Variants in CARD14 observed in about 807,000 individuals in gnomAD.
The protein encoded by CARD14 is caspase recruitment domain-containing protein 14.
In CARD14, 107 loss-of-function variants were observed where a neutral mutation model predicts 111.5. The ratio of observed to expected loss-of-function variants is 0.96; its 90% CI spans 0.82 to 1.13. The LOEUF (loss-of-function observed/expected upper bound fraction) is 1.13, where lower values mean the gene tolerates loss of function less well. Ranked by LOEUF, CARD14 falls within the 50% of genes most tolerant of loss-of-function variation. The pLI, the probability that CARD14 is intolerant of heterozygous loss-of-function variation, is 0.00. For missense variants in CARD14, 1,322 were observed against 1,362.3 expected (o/e 0.97, Z 0.47); for synonymous variants, 617 against 579.6 (o/e 1.06, Z -0.93).
At chr17:80,176,481 G>A (rs866819059) in intron 2 of CARD14, among the ~76,000 whole-genome samples, 1 of 149,638 alleles carries the variant, frequency 6.7e-6, no homozygotes, top group Non-Finnish European at 1.5e-5. Flanking sequence ...TAACCCATAC[G>A]GCACACAATT....
At chr17:80,191,676 A>G (rs2040534980) in intron 11 of CARD14, among the ~76,000 whole-genome samples, 1 of 152,230 alleles carries the variant, frequency 6.6e-6, no homozygotes, top group Non-Finnish European at 1.5e-5. Flanking sequence ...GGTGCCGTGA[A>G]ACCTCGAAGG....
chr17:80,205,203 C>G lies in CARD14; in HGVS notation c.2567C>G (p.Ala856Gly), dbSNP rs745973455. The G allele has an allele frequency of 2.5e-6, 4 of 1,610,778 alleles. No homozygotes were observed. The highest frequency in any genetic ancestry group is 3.4e-6 in the Non-Finnish European group (4 of 1,178,270). ...CLLQGFKKCLAEYLSQEEYEA... is the reference protein window; with the variant it reads ...CLLQGFKKCLGEYLSQEEYEA... ...CTCCAAGGGTTTAAGAAGTGCCTGG[C>G]AGGTATGCTGTTGCCTGGGAATCCC... The change falls in exon 21 of 24, where the codon GCA becomes GGA. Residue 856 changes from alanine to glycine, a missense_variant and splice_region_variant. Transcript: ENST00000648509.
chr17:80,187,682 A>G (rs2040389210), intron 7 of CARD14: 1 of 897,394 alleles, frequency 1.1e-6, no homozygotes, highest in African/African-American at 1.8e-5. Context: ...ACCCACCCCG[A>G]CGTGCAGACT....
Position 80,202,427 on chromosome 17 carries a change from A to C in CARD14, c.2219+7A>C. On this transcript the variant is annotated splice_region_variant and intron_variant, in intron 18 of 23. Coordinates refer to ENST00000648509, the MANE Select transcript of CARD14 (RefSeq NM_001366385.1). ...CCATCCCCAACTACTCCAGGTGAGCAGCTGCCTCGAGCTCGGTGCGTCCCC... is the reference window on the plus strand; with the variant it reads ...CCATCCCCAACTACTCCAGGTGAGCCGCTGCCTCGAGCTCGGTGCGTCCCC... 6.2e-7 allele frequency: 1 copy of C among 1,607,754 alleles called. No homozygotes were observed. Among genetic ancestry groups the C allele is most frequent in the South Asian group, 1.1e-5 (1 of 90,974 alleles).
Position 80,195,737 on chromosome 17 carries a change from T to G in CARD14, c.1594+85T>G. On this transcript the variant is annotated intron_variant, in intron 14 of 23. Coordinates refer to ENST00000648509, the MANE Select transcript of CARD14 (RefSeq NM_001366385.1). This position sits in a 1 kb window ranked among gnomAD's most constrained non-coding sequence, Gnocchi z 4.7. ...GCTGATGAGAAAGCCGGGGCCTCTCTCCAGGGAAAGGGCAGATAGAAGCAG... is the reference window on the plus strand; with the variant it reads ...GCTGATGAGAAAGCCGGGGCCTCTCGCCAGGGAAAGGGCAGATAGAAGCAG... The G allele has an allele frequency of 2.0e-5, 23 of 1,156,744 alleles. No individual in the cohort carries two copies. The highest frequency in any genetic ancestry group is 2.4e-5 in the Non-Finnish European group (19 of 804,856). The allele number at this position is 1,156,744 out of a possible 1,614,324, so 71.7% of individuals were successfully genotyped here. A position where few individuals can be genotyped will look rare whatever the true frequency, so the allele number is the denominator to read the frequency against.
intron 5 of CARD14, 134 bp downstream of exon 5, chr17:80,181,783 C>T: frequency 2.6e-6 from 2 of 762,674 alleles, no homozygotes; most frequent in Non-Finnish European, 4.1e-6. Context: ...CTTTAGGGCC[C>T]ACCTGGATAA....
chr17:80,172,548 G>A (rs1194273701), intron 1 of CARD14, among the ~76,000 whole-genome samples: 2 of 152,188 alleles, frequency 1.3e-5, no homozygotes, highest in African/African-American at 4.8e-5. Flanking sequence ...CGGGGCTGAG[G>A]GGAGCAGGAG....
chr17:80,192,642 C>G, intron 12 of CARD14, 23 bp downstream of exon 12: 6 of 1,575,870 alleles, frequency 3.8e-6, no homozygotes, highest in Non-Finnish European at 4.4e-6. Context: ...CTCCCGCCTC[C>G]CTCACTGCCT....
Position 80,204,338 on chromosome 17 carries a change from G to C in CARD14, c.2395G>C (p.Glu799Gln), listed in dbSNP as rs1237981824. The C allele has an allele frequency of 1.3e-6, 2 of 1,569,026 alleles. No homozygotes were observed. Among genetic ancestry groups the C allele is most frequent in the Non-Finnish European group, 1.7e-6 (2 of 1,151,968 alleles). Residue 799 changes from glutamate to glutamine, a missense_variant, in exon 20 of 24, where the codon GAG (glutamate) becomes CAG (glutamine). Physicochemically the swap from Glu to Gln is conservative, Grantham distance 29. Transcript: ENST00000648509. The part of the protein sequence containing the change: ...DRGQLDPSRM[E>Q]GSSTCFWAES... Reference sequence around the variant, plus strand: ...GGGCCAGTTGGACCCCAGCAGGATGGAGGGTGAGGCCTGGTGAGCTGGCAC... The same window carrying C: ...GGGCCAGTTGGACCCCAGCAGGATGCAGGGTGAGGCCTGGTGAGCTGGCAC...
At chr17:80,184,259 C>G in intron 7 of CARD14, 21 bp downstream of exon 7, 1 of 1,487,436 alleles carries the variant, frequency 6.7e-7, no homozygotes, top group Non-Finnish European at 9.0e-7. Flanking sequence ...ACCCTGCACC[C>G]CGGCGCGACC....
At position 80,208,180 on chromosome 17, in the gene CARD14, G is replaced by A. The variant is rs1289070387; in HGVS notation, c.2850G>A (p.Leu950=). 6.5e-7 allele frequency: 1 copy of A among 1,550,352 alleles called. No individual in the cohort carries two copies. The highest frequency in any genetic ancestry group is 2.4e-5 in the East Asian group (1 of 41,200). ...TGGGCACCTCAGAGGAGCAGCTCCT[G>A]GAGGCTGCGAGGCAGGAGGAGGGAG... is the stretch of plus-strand genomic sequence containing the variant. The part of the protein sequence containing the change: ...QRLGTSEEQL[L]EAARQEEGDL... Residue 950 remains leucine, a synonymous_variant, in exon 24 of 24, where the codon CTG becomes CTA. Transcript: ENST00000648509.
chr17:80,184,348 A>C, intron 7 of CARD14, 110 bp downstream of exon 7: 2 of 973,674 alleles, frequency 2.1e-6, no homozygotes, highest in African/African-American at 1.7e-5. Context: ...CTTGTCTAAC[A>C]CTTCCCTGCC....
intron 7 of CARD14, among the ~76,000 whole-genome samples, chr17:80,185,599 C>G (rs1226617186): frequency 6.6e-6 from 1 of 152,124 alleles, no homozygotes; most frequent in Non-Finnish European, 1.5e-5. Context: ...GTATGGACGC[C>G]CTGTTTTTAT....
At position 80,205,144 on chromosome 17, in the gene CARD14, G is replaced by A. The variant is rs143179499; in HGVS notation, c.2508G>A (p.Ala836=). 138 of 1,613,774 alleles carry A rather than the reference G, an allele frequency of 8.6e-5. 2 individuals are homozygous for A. In the South Asian group the frequency reaches 8.8e-4, roughly 10 times the overall value. ...GGCCTGTGCTCCTCGTGCCCAGGGC[G>A]GTTGGGAAGATCCTGAGCGAGAAAC... ...RPRPVLLVPR[A]VGKILSEKLC... The change falls in exon 21 of 24, where the codon GCG becomes GCA. Residue 836 remains alanine (A), a synonymous_variant. Transcript: ENST00000648509.
At chr17:80,196,029 A>G (rs1176870716) in intron 14 of CARD14, 1 of 187,590 alleles carries the variant, frequency 5.3e-6, no homozygotes, top group Non-Finnish European at 1.1e-5. Context: ...GGCGAGGCAC[A>G]GCGTGACATC....
chr17:80,208,336 C>T lies in CARD14; in HGVS notation c.3006C>T (p.Ser1002=), dbSNP rs984646773. ...AGAAGGTGGTGTGGACGGAGCAGAG[C>T]CCCCGATGATGCACCGTGCCCCTTC... ...EQKKVVWTEQ[S]PR is the part of the protein sequence containing the mutation. The change falls in exon 24 of 24, where the codon AGC becomes AGT. Residue 1002 remains serine (S), a synonymous_variant. Coordinates refer to ENST00000648509, the MANE Select transcript of CARD14 (RefSeq NM_001366385.1). The T allele has an allele frequency of 1.3e-6, 2 of 1,595,610 alleles. No homozygotes were observed. Among genetic ancestry groups the T allele is most frequent in the South Asian group, 1.1e-5 (1 of 88,440 alleles).
chr17:80,178,758 A>G (rs2040083835), intron 3 of CARD14, 103 bp downstream of exon 3: 1 of 152,054 alleles, frequency 6.6e-6, no homozygotes, highest in Non-Finnish European at 1.5e-5. Context: ...TTATCTTTTA[A>G]TTTTTGAGAT....
Position 80,187,681 on chromosome 17 carries a change from G to A in CARD14, c.676-696G>A, listed in dbSNP as rs532775553. The A allele has an allele frequency of 2.2e-5, 20 of 894,342 alleles. No homozygotes were observed. The East Asian group carries it at 1.7e-3, about 75-fold the overall frequency. 55.4% of individuals were successfully genotyped at this position (894,342 alleles called of 1,614,324 possible). ...AGGGGTGAGCACCGGCACCCACCCC[G>A]ACGTGCAGACTTCCCGGGCTTGCCT... On this transcript the variant is annotated intron_variant, in intron 7 of 23. Transcript: ENST00000648509.
intron 7 of CARD14, chr17:80,187,881 C>A: frequency 3.0e-6 from 3 of 985,624 alleles, no homozygotes; most frequent in Non-Finnish European, 3.6e-6. Context: ...CAAGTCAACA[C>A]AGGAGCTTTG....
Sources: gnomAD v4.1 joint callset for allele counts (sites outside exome capture counted in the v4.1 genomes callset) on GRCh38, gnomAD v4.1.1 for gene constraint, Gnocchi (gnomAD v3.1) non-coding constraint, MANE v1.5 for transcripts, NCBI Gene and HGNC (gene_info 2026-07-23, HGNC 2026-07-21) for gene names.